Variants in AFF4 observed in about 807,000 individuals in gnomAD.
The protein encoded by AFF4 is AF4/FMR2 family member 4.
Under a neutral mutation model 124.8 loss-of-function variants are expected in AFF4, and 13 were observed. The ratio of observed to expected loss-of-function variants is 0.10; its 90% CI spans 0.07 to 0.17. AFF4 has a LOEUF of 0.17. Among genes scored for constraint, AFF4 ranks in the 10% least tolerant of loss-of-function variants. The pLI, the probability that AFF4 is intolerant of heterozygous loss-of-function variation, is 1.00. For missense variants in AFF4, 1,092 were observed against 1,403.8 expected (o/e 0.78, Z 3.55); for synonymous variants, 477 against 496.1 (o/e 0.96, Z 0.51).
chr5:132,947,254 T>A, intron 1 of AFF4, among the ~76,000 whole-genome samples: 1 of 151,564 alleles, frequency 6.6e-6, no homozygotes, highest in East Asian at 1.9e-4. Context: ...ACTACAAAAA[T>A]TAGCCGGGTG....
intron 5 of AFF4, among the ~76,000 whole-genome samples, chr5:132,915,371 T>A (rs67074969): frequency 0.12 from 17,515 of 151,760 alleles, 1,283 homozygotes; most frequent in South Asian, 0.2. Context: ...AAATACCATT[T>A]CTATACACAC....
At chr5:132,890,971 G>A (rs564983989) in intron 13 of AFF4, among the ~76,000 whole-genome samples, 7 of 151,636 alleles carry the variant, frequency 4.6e-5, no homozygotes, top group African/African-American at 1.2e-4. Context: ...CAAATGAGCA[G>A]GAGAGCTCAC....
chr5:132,881,057 G>A lies in AFF4; in HGVS notation c.*2C>T. The stretch of plus-strand genomic sequence containing the variant: ...ATCAGAGGCAACGAGAATGTGTTCA[G>A]TTCAAGATATCAACTTGGCATCCTG... On this transcript the variant is annotated 3_prime_UTR_variant, in exon 21 of 21. Coordinates refer to ENST00000265343, the MANE Select transcript of AFF4 (RefSeq NM_014423.4). 2 of 1,612,848 alleles carry A rather than the reference G, an allele frequency of 1.2e-6. No homozygotes were observed. Among genetic ancestry groups the A allele is most frequent in the Non-Finnish European group, 1.7e-6 (2 of 1,179,668 alleles).
intron 20 of AFF4, among the ~76,000 whole-genome samples, chr5:132,882,142 G>C (rs1279080164): frequency 6.6e-6 from 1 of 151,368 alleles, no homozygotes; most frequent in East Asian, 1.9e-4. Flanking sequence ...GAGCCCAAGA[G>C]GTAGATGCTG....
intron 5 of AFF4, among the ~76,000 whole-genome samples, chr5:132,908,772 A>ATTT (rs1194870512): frequency 0.015 from 1,517 of 102,704 alleles, 17 homozygotes; most frequent in East Asian, 0.027. Flanking sequence ...ATATATATAT[A>ATTT]TATATTTTTT....
intron 1 of AFF4, among the ~76,000 whole-genome samples, chr5:132,940,197 T>A (rs1039591584): frequency 1.0e-4 from 14 of 139,056 alleles, no homozygotes; most frequent in Admixed American, 8.1e-4. Flanking sequence ...CAAGACTCCA[T>A]CTCAAAAAAA....
intron 5 of AFF4, among the ~76,000 whole-genome samples, chr5:132,913,677 A>AG (rs1372284544): frequency 6.6e-6 from 1 of 152,204 alleles, no homozygotes; most frequent in African/African-American, 2.4e-5. Context: ...TCTGGCCTCC[A>AG]GGGATCCTCC....
chr5:132,943,210 G>T, intron 1 of AFF4: 1 of 179,624 alleles, frequency 5.6e-6, no homozygotes, highest in Non-Finnish European at 1.2e-5. Flanking sequence ...CTAATTGCTG[G>T]AGTTAACAAA....
chr5:132,941,705 C>T (rs558189146), intron 1 of AFF4, among the ~76,000 whole-genome samples: 6 of 151,660 alleles, frequency 4.0e-5, no homozygotes, highest in African/African-American at 4.8e-5. Context: ...GGTTTTTTTT[C>T]GCACGCACAA....
intron 19 of AFF4, 69 bp downstream of exon 19, chr5:132,885,007 G>T: frequency 9.0e-7 from 1 of 1,109,014 alleles, no homozygotes; most frequent in Non-Finnish European, 1.3e-6. Flanking sequence ...TTCCATTTTT[G>T]GAAATTGGAC....
chr5:132,899,163 G>A, intron 8 of AFF4, 22 bp from the exon 9 acceptor site: 1 of 1,603,850 alleles, frequency 6.2e-7, no homozygotes, highest in Non-Finnish European at 8.5e-7. Flanking sequence ...ACATAAGAAA[G>A]AATCTGTGAA....
chr5:132,895,975 G>A (rs1409408763), intron 11 of AFF4, among the ~76,000 whole-genome samples: 1 of 152,178 alleles, frequency 6.6e-6, no homozygotes, highest in Non-Finnish European at 1.5e-5. Context: ...AACAATACGG[G>A]GAGTACATAT....
rs190064966 is a variant in AFF4, at chr5:132,939,013, G to A, written c.-4-1820C>T. Reference sequence around the variant, plus strand: ...AAAAAAAAAGGGACCCGAGGTGGGAGGATCGCTTGACCTGCCTAGCCAACA... The same window carrying A: ...AAAAAAAAAGGGACCCGAGGTGGGAAGATCGCTTGACCTGCCTAGCCAACA... On this transcript the variant is annotated intron_variant, in intron 1 of 20. Coordinates refer to ENST00000265343, the MANE Select transcript of AFF4 (RefSeq NM_014423.4). Among the ~76,000 whole-genome samples the A allele has an allele frequency of 2.6e-3, 381 of 146,360 alleles. 3 individuals are homozygous for A. The highest frequency in any genetic ancestry group is 9.1e-3 in the African/African-American group (361 of 39,750).
Position 132,879,036 on chromosome 5 carries a change from T to C in AFF4, c.*2023A>G, listed in dbSNP as rs1759906554. 4.5e-6 allele frequency: 1 copy of C among 222,758 alleles called. No individual in the cohort carries two copies. Among genetic ancestry groups the C allele is most frequent in the Admixed American group, 5.7e-5 (1 of 17,422 alleles). The allele number at this position is 222,758 out of a possible 1,614,324, so 13.8% of individuals were successfully genotyped here. ...TATCATGATCATTGAGAAGTTGTCCTCTTATGGAAAACTGTTCCTAGAACA... is the reference window on the plus strand; with the variant it reads ...TATCATGATCATTGAGAAGTTGTCCCCTTATGGAAAACTGTTCCTAGAACA... On this transcript the variant is annotated 3_prime_UTR_variant, in exon 21 of 21. Transcript: ENST00000265343.
chr5:132,904,229 A>G (rs1324262532), intron 6 of AFF4, 139 bp downstream of exon 6: 1 of 359,694 alleles, frequency 2.8e-6, no homozygotes, highest in Non-Finnish European at 4.6e-6. Flanking sequence ...TACACTCCAG[A>G]AAAAAAAAAA....
At position 132,887,887 on chromosome 5, in the gene AFF4, T is replaced by C. The variant is rs34434281; in HGVS notation, c.2892A>G (p.Lys964=). 3,627 of 1,613,886 alleles carry C rather than the reference T, an allele frequency of 2.2e-3. 37 individuals carry two copies. The African/African-American group carries it at 0.028, about 12-fold the overall frequency. The change falls in exon 16 of 21, where the codon AAA becomes AAG. Residue 964 remains lysine, a synonymous_variant. Transcript: ENST00000265343. The part of the protein sequence containing the change: ...NALEKNAQES[K]SPFPMYSETV... ...TCTCTGAATACATAGGGAATGGGGA[T>C]TTGGATTCCTGAGCATTCTTCTCTA... is the stretch of plus-strand genomic sequence containing the variant.
chr5:132,959,328 T>C (rs1010264946), intron 1 of AFF4, among the ~76,000 whole-genome samples: 8 of 152,014 alleles, frequency 5.3e-5, no homozygotes, highest in African/African-American at 1.9e-4. Context: ...CACCATATTG[T>C]CCAGGATTGT....
At chr5:132,952,728 T>C (rs1413620434) in intron 1 of AFF4, among the ~76,000 whole-genome samples, 4 of 152,070 alleles carry the variant, frequency 2.6e-5, no homozygotes, top group Non-Finnish European at 4.4e-5. Context: ...ACTCCGTCTC[T>C]GCTAAAAATA....
At chr5:132,924,247 C>A (rs1407586127) in intron 5 of AFF4, among the ~76,000 whole-genome samples, 1 of 151,692 alleles carries the variant, frequency 6.6e-6, no homozygotes, top group African/African-American at 2.4e-5. Flanking sequence ...GACTGAGACT[C>A]TGTCTCAAAA....
Sources: gnomAD v4.1 joint callset for allele counts (sites outside exome capture counted in the v4.1 genomes callset) on GRCh38, gnomAD v4.1.1 for gene constraint, MANE v1.5 for transcripts, NCBI Gene and HGNC (gene_info 2026-07-23, HGNC 2026-07-21) for gene names.